SLC38A1: variants seen among roughly 807,000 people sequenced by gnomAD.
SLC38A1 encodes sodium-coupled neutral amino acid symporter 1.
In SLC38A1, 18 loss-of-function variants were observed where a neutral mutation model predicts 60.3. The ratio of observed to expected loss-of-function variants is 0.30; its 90% CI spans 0.21 to 0.44. The LOEUF (loss-of-function observed/expected upper bound fraction) is 0.44. Ranked by LOEUF, SLC38A1 falls within the 20% of genes least tolerant of loss-of-function variation. The pLI is 1.00. For synonymous variants in SLC38A1, 196 were observed against 212.1 expected (o/e 0.92, Z 0.66); for missense variants, 448 against 587.2 (o/e 0.76, Z 2.45).
Position 46,249,225 on chromosome 12 carries a change from C to G in SLC38A1, c.-208-5911G>C, listed in dbSNP as rs149257022. ...TACATGGAAACTGAGCAACCTGCTC[C>G]TGAATGACTACTGGGTAAATAACAA... is the stretch of plus-strand genomic sequence containing the variant. On this transcript the variant is annotated intron_variant, in intron 1 of 16. Transcript: ENST00000398637. Among the ~76,000 whole-genome samples, 72 of 150,920 alleles carry G rather than the reference C, an allele frequency of 4.8e-4. 1 individual carries two copies. In the East Asian group the frequency reaches 7.0e-3, roughly 15 times the overall value.
At chr12:46,263,735 T>A (rs58581723) in intron 1 of SLC38A1, among the ~76,000 whole-genome samples, 2,796 of 152,168 alleles carry the variant, frequency 0.018, 83 homozygotes, top group African/African-American at 0.064. Context: ...ACACATTAAA[T>A]CTTCATGTGG....
At chr12:46,229,693 C>T in intron 3 of SLC38A1, 54 bp from the exon 4 acceptor site, 1 of 1,430,138 alleles carries the variant, frequency 7.0e-7, no homozygotes, top group Non-Finnish European at 9.8e-7. Flanking sequence ...TGAAGCTTGA[C>T]ATCTTTACTA....
rs1375221595 is a variant in SLC38A1, at chr12:46,189,053, G to A, written c.1381C>T (p.Leu461=). The change falls in exon 17 of 17, where the codon CTG becomes TTG. Residue 461 remains leucine, a synonymous_variant. Transcript: ENST00000398637. ...CTGACCAAGGAGAACAACACCCCCA[G>A]GCCCAAGAAAAGGGCAGCCTGGAGC... The part of the protein sequence containing the change: ...QRIWAALFLG[L]GVLFSLVSIP... 2 of 1,613,552 alleles carry A rather than the reference G, an allele frequency of 1.2e-6. No individual in the cohort carries two copies. The highest frequency in any genetic ancestry group is 4.5e-5 in the East Asian group (2 of 44,830).
At chr12:46,227,871 C>T (rs146986879) in intron 5 of SLC38A1, among the ~76,000 whole-genome samples, 2 of 152,070 alleles carry the variant, frequency 1.3e-5, no homozygotes, top group Admixed American at 6.5e-5. Context: ...TTGGGAGTAG[C>T]GCTCAGGTGT....
chr12:46,214,582 T>C (rs984146832), intron 5 of SLC38A1, among the ~76,000 whole-genome samples: 10 of 152,222 alleles, frequency 6.6e-5, no homozygotes, highest in African/African-American at 2.4e-4. Context: ...ATACCATGAT[T>C]GTGGTGGTGA....
chr12:46,241,714 A>G (rs538431879), intron 2 of SLC38A1, among the ~76,000 whole-genome samples: 1 of 152,262 alleles, frequency 6.6e-6, no homozygotes, highest in East Asian at 1.9e-4. Context: ...AATGAATTAA[A>G]ATGGTTGAAC....
At chr12:46,224,906 T>C (rs1345336280) in intron 5 of SLC38A1, among the ~76,000 whole-genome samples, 3 of 152,204 alleles carry the variant, frequency 2.0e-5, no homozygotes, top group South Asian at 4.1e-4. Context: ...AGTAAATTTT[T>C]CCACTTCCCC....
chr12:46,265,044 C>G (rs1161900382), intron 1 of SLC38A1, among the ~76,000 whole-genome samples: 2 of 152,206 alleles, frequency 1.3e-5, no homozygotes, highest in Non-Finnish European at 2.9e-5. Context: ...GATCAACTTT[C>G]TCTCCCTCCT....
At chr12:46,261,464 CAT>C (rs1406657022) in intron 1 of SLC38A1, among the ~76,000 whole-genome samples, 1 of 152,166 alleles carries the variant, frequency 6.6e-6, no homozygotes, top group Non-Finnish European at 1.5e-5. Flanking sequence ...ACAGTAAACA[CAT>C]GTTAACAATA....
At position 46,253,110 on chromosome 12, in the gene SLC38A1, G is replaced by T. The variant is rs561334071; in HGVS notation, c.-208-9796C>A. 2.0e-5 allele frequency among the ~76,000 whole-genome samples: 3 copies of T among 152,200 alleles called. No individual in the cohort carries two copies. In the South Asian group the frequency reaches 6.2e-4, roughly 32 times the overall value. The stretch of plus-strand genomic sequence containing the variant: ...TCAAAGGATATGAAGTTGCAGATGT[G>T]TAGGATGAATAAGTCTAGGGAGCAA... On this transcript the variant is annotated intron_variant, in intron 1 of 16. Coordinates refer to ENST00000398637, the MANE Select transcript of SLC38A1 (RefSeq NM_030674.4).
At position 46,243,251 on chromosome 12, in the gene SLC38A1, C is replaced by T. The variant is rs1469487566; in HGVS notation, c.-145G>A. On this transcript the variant is annotated 5_prime_UTR_variant, in exon 2 of 17. Coordinates refer to ENST00000398637, the MANE Select transcript of SLC38A1 (RefSeq NM_030674.4). ...CACTCTATATATATTGTTGTATGGC[C>T]TTCCAGGGTTTTTCTATGCACATAG... The T allele has an allele frequency of 6.6e-6, 1 of 151,930 alleles. No homozygotes were observed. The highest frequency in any genetic ancestry group is 6.6e-5 in the Admixed American group (1 of 15,244). The allele number at this position is 151,930 out of a possible 1,614,324, so 9.4% of individuals were successfully genotyped here.
At chr12:46,260,245 G>C (rs573178254) in intron 1 of SLC38A1, among the ~76,000 whole-genome samples, 9 of 152,274 alleles carry the variant, frequency 5.9e-5, no homozygotes, top group African/African-American at 2.2e-4. Context: ...TTTCTGTGTA[G>C]AAGTAGCTCT....
rs1475760937 is a variant in SLC38A1, at chr12:46,268,178, T to A, written c.-209+348A>T. Among the ~76,000 whole-genome samples the A allele has an allele frequency of 6.6e-6, 1 of 152,186 alleles. No homozygotes were observed. The highest frequency in any genetic ancestry group is 1.5e-5 in the Non-Finnish European group (1 of 68,038). ...GCTGCGCTCTCCCTCCAGACGTGCG[T>A]GGTTCCTGGCTCTCGTAAAAATGGA... On this transcript the variant is annotated intron_variant, in intron 1 of 16. Transcript: ENST00000398637. This position sits in a 1 kb window ranked among gnomAD's most constrained non-coding sequence, Gnocchi z 4.4.
chr12:46,197,078 C>G (rs977725017), intron 16 of SLC38A1, among the ~76,000 whole-genome samples: 1 of 152,152 alleles, frequency 6.6e-6, no homozygotes, highest in Non-Finnish European at 1.5e-5. Flanking sequence ...GTGAGTCCCT[C>G]GTCACTTCCT....
chr12:46,247,074 G>GA (rs947435898), intron 1 of SLC38A1, among the ~76,000 whole-genome samples: 11 of 152,126 alleles, frequency 7.2e-5, no homozygotes, highest in African/African-American at 2.7e-4. Context: ...CAAAGATGGG[G>GA]AAAAAATGGA....
At chr12:46,242,849 C>G (rs1322458910) in intron 2 of SLC38A1, among the ~76,000 whole-genome samples, 1 of 151,956 alleles carries the variant, frequency 6.6e-6, no homozygotes, top group Non-Finnish European at 1.5e-5. Context: ...ATCTTTAGAA[C>G]AGATATTGTA....
chr12:46,193,434 A>G (rs929472453), intron 16 of SLC38A1, among the ~76,000 whole-genome samples: 3 of 152,188 alleles, frequency 2.0e-5, no homozygotes, highest in African/African-American at 7.2e-5. Context: ...AGTTCTGTAG[A>G]TGTCTATGAG....
At chr12:46,213,909 G>A (rs929227288) in intron 5 of SLC38A1, among the ~76,000 whole-genome samples, 3 of 152,146 alleles carry the variant, frequency 2.0e-5, no homozygotes, top group Non-Finnish European at 4.4e-5. Flanking sequence ...AGTGAATTTA[G>A]AAACATTAGA....
chr12:46,256,309 A>G (rs887170443), intron 1 of SLC38A1, among the ~76,000 whole-genome samples: 4 of 152,172 alleles, frequency 2.6e-5, no homozygotes, highest in Admixed American at 6.5e-5. Context: ...CCCAAAGATT[A>G]CTTAAGTCAC....
Sources: gnomAD v4.1 joint callset for allele counts (sites outside exome capture counted in the v4.1 genomes callset) on GRCh38, gnomAD v4.1.1 for gene constraint, Gnocchi (gnomAD v3.1) non-coding constraint, MANE v1.5 for transcripts, NCBI Gene and HGNC (gene_info 2026-07-23, HGNC 2026-07-21) for gene names.